Variants in LRRTM4 observed in about 807,000 individuals in gnomAD.
LRRTM4 encodes the protein leucine rich repeat transmembrane neuronal 4.
LRRTM4 carries 25 observed loss-of-function variants against 47.6 expected under a neutral mutation model. That is an observed-to-expected ratio of 0.53 (90% CI 0.38 to 0.73). The LOEUF (loss-of-function observed/expected upper bound fraction) is 0.73. LRRTM4 is among the 30% of genes least tolerant of loss of function. The pLI is 0.00. For synonymous variants in LRRTM4, 311 were observed against 269.5 expected (o/e 1.15, Z -1.51); for missense variants, 638 against 713.4 (o/e 0.89, Z 1.20).
intron 3 of LRRTM4, among the ~76,000 whole-genome samples, chr2:77,219,091 ATTGAT>A (rs199933385): frequency 6.6e-6 from 1 of 152,194 alleles, no homozygotes; most frequent in East Asian, 1.9e-4. Context: ...CAGGGTTAAA[ATTGAT>A]TTTTCCCTAC....
intron 3 of LRRTM4, among the ~76,000 whole-genome samples, chr2:77,010,592 C>T (rs1213367016): frequency 6.6e-6 from 1 of 151,178 alleles, no homozygotes; most frequent in Non-Finnish European, 1.5e-5. Flanking sequence ...TGATTCCATT[C>T]CCTGGCTATT....
At chr2:76,961,121 T>A (rs1675843934) in intron 3 of LRRTM4, among the ~76,000 whole-genome samples, 1 of 151,546 alleles carries the variant, frequency 6.6e-6, no homozygotes, top group African/African-American at 2.4e-5. Context: ...ACAGGTTAAA[T>A]CATTTCCCCT....
At chr2:77,400,982 G>T (rs1049510478) in intron 3 of LRRTM4, among the ~76,000 whole-genome samples, 3 of 151,906 alleles carry the variant, frequency 2.0e-5, no homozygotes, top group African/African-American at 7.2e-5. Context: ...AATTTTGTTT[G>T]CTCATTTGTT....
chr2:77,178,842 A>G (rs1363155628), intron 3 of LRRTM4, among the ~76,000 whole-genome samples: 1 of 152,210 alleles, frequency 6.6e-6, no homozygotes. Flanking sequence ...ACCAAAAGGT[A>G]TAATTTTAAA....
At chr2:77,091,235 C>T (rs897201036) in intron 3 of LRRTM4, among the ~76,000 whole-genome samples, 8 of 150,190 alleles carry the variant, frequency 5.3e-5, no homozygotes, top group African/African-American at 7.4e-5. Flanking sequence ...CCTTTGCGTC[C>T]TCCTCTTGTA....
chr2:77,028,476 T>C (rs1400206041), intron 3 of LRRTM4, among the ~76,000 whole-genome samples: 1 of 152,262 alleles, frequency 6.6e-6, no homozygotes, highest in Non-Finnish European at 1.5e-5. Context: ...TATTCATGAC[T>C]AAACTTCAAA....
At chr2:77,287,098 T>A (rs558960501) in intron 3 of LRRTM4, among the ~76,000 whole-genome samples, 1 of 152,022 alleles carries the variant, frequency 6.6e-6, no homozygotes, top group African/African-American at 2.4e-5. Context: ...AAGAAGGACC[T>A]CTGTATCATT....
At chr2:76,870,178 T>C (rs1185533662) in intron 3 of LRRTM4, among the ~76,000 whole-genome samples, 1 of 152,212 alleles carries the variant, frequency 6.6e-6, no homozygotes, top group African/African-American at 2.4e-5. Flanking sequence ...CCTCCACTGT[T>C]TCCTGCTTGC....
At chr2:76,842,664 C>T (rs558573934) in intron 3 of LRRTM4, among the ~76,000 whole-genome samples, 1 of 152,214 alleles carries the variant, frequency 6.6e-6, no homozygotes, top group Non-Finnish European at 1.5e-5. Flanking sequence ...AGAATGGTTG[C>T]ATGGGTATGT....
intron 3 of LRRTM4, among the ~76,000 whole-genome samples, chr2:77,096,230 C>G (rs1467801946): frequency 4.6e-5 from 7 of 151,410 alleles, no homozygotes; most frequent in African/African-American, 1.7e-4. Context: ...CAGAAGATTT[C>G]TCAAAGCAAT....
chr2:77,090,832 G>A (rs1386659750), intron 3 of LRRTM4, among the ~76,000 whole-genome samples: 1 of 152,124 alleles, frequency 6.6e-6, no homozygotes, highest in African/African-American at 2.4e-5. Context: ...CCTCGGCTTA[G>A]CAGCTGAAGA....
At chr2:77,310,783 T>C (rs756972834) in intron 3 of LRRTM4, among the ~76,000 whole-genome samples, 6 of 152,192 alleles carry the variant, frequency 3.9e-5, no homozygotes, top group Non-Finnish European at 7.3e-5. Context: ...TACCATGATT[T>C]TTTAAATAAT....
At chr2:77,491,067 G>T (rs531982336) in intron 3 of LRRTM4, among the ~76,000 whole-genome samples, 158 of 151,878 alleles carry the variant, frequency 1.0e-3, no homozygotes, top group African/African-American at 3.6e-3. Flanking sequence ...TGACAAAATA[G>T]AAGAGAAGAT....
chr2:77,156,138 G>T (rs2103795926), intron 3 of LRRTM4, among the ~76,000 whole-genome samples: 1 of 152,110 alleles, frequency 6.6e-6, no homozygotes, highest in Admixed American at 6.6e-5. Context: ...AGGGAAGGCT[G>T]CATTAAACAG....
intron 3 of LRRTM4, among the ~76,000 whole-genome samples, chr2:76,948,539 G>A (rs1043108578): frequency 6.6e-6 from 1 of 151,484 alleles, no homozygotes; most frequent in South Asian, 2.1e-4. Flanking sequence ...ATTTCATTTG[G>A]AATCAATTTC....
At chr2:77,212,228 T>C (rs1674312214) in intron 3 of LRRTM4, among the ~76,000 whole-genome samples, 1 of 151,768 alleles carries the variant, frequency 6.6e-6, no homozygotes, top group Non-Finnish European at 1.5e-5. Flanking sequence ...CAAAATACTA[T>C]GTTATTAATG....
At chr2:77,343,124 A>G (rs893543797) in intron 3 of LRRTM4, among the ~76,000 whole-genome samples, 2 of 151,980 alleles carry the variant, frequency 1.3e-5, no homozygotes, top group Non-Finnish European at 2.9e-5. Context: ...TGAGGTAAGT[A>G]GAAACATTTC....
At chr2:76,984,689 C>T (rs1465990196) in intron 3 of LRRTM4, among the ~76,000 whole-genome samples, 1 of 151,990 alleles carries the variant, frequency 6.6e-6, no homozygotes, top group Non-Finnish European at 1.5e-5. Flanking sequence ...AAGCCTGAAA[C>T]ACTGGAGATA....
intron 3 of LRRTM4, among the ~76,000 whole-genome samples, chr2:77,174,566 AT>A: frequency 6.6e-6 from 1 of 151,960 alleles, no homozygotes; most frequent in Non-Finnish European, 1.5e-5. Flanking sequence ...TCACCAAGAA[AT>A]TTTTCTCCTA....
Sources: gnomAD v4.1 joint callset for allele counts (sites outside exome capture counted in the v4.1 genomes callset) on GRCh38, gnomAD v4.1.1 for gene constraint, MANE v1.5 for transcripts, NCBI Gene and HGNC (gene_info 2026-07-23, HGNC 2026-07-21) for gene names.